The following KDM4C variants were observed in gnomAD, a reference collection of about 807,000 sequenced individuals.
The protein encoded by KDM4C is lysine demethylase 4C, also known as lysine-specific demethylase 4C.
A neutral mutation model predicts 129.3 loss-of-function variants in KDM4C; 81 were observed. The observed-to-expected ratio is 0.63, with a 90% CI of 0.52 to 0.75. The LOEUF (loss-of-function observed/expected upper bound fraction) is 0.75. Among genes scored for constraint, KDM4C ranks in the 30% least tolerant of loss-of-function variants. KDM4C has a pLI of 0.00. For missense variants in KDM4C, 1,457 were observed against 1,304.0 expected (o/e 1.12, Z -1.81); for synonymous variants, 573 against 456.1 (o/e 1.26, Z -3.26).
At chr9:6,738,767 C>CT (rs1563919341) in intron 1 of KDM4C, among the ~76,000 whole-genome samples, 2 of 149,318 alleles carry the variant, frequency 1.3e-5, no homozygotes, top group Non-Finnish European at 3.0e-5. Flanking sequence ...CTTTTCTTTT[C>CT]ATTTTTTTTT....
chr9:6,753,025 A>T (rs1818126274), upstream of KDM4C, among the ~76,000 whole-genome samples: 1 of 152,174 alleles, frequency 6.6e-6, no homozygotes, highest in South Asian at 2.1e-4. Flanking sequence ...GGAGTCAGAA[A>T]TAGCAGCTGC....
intron 5 of KDM4C, among the ~76,000 whole-genome samples, chr9:6,869,433 G>A (rs1308753625): frequency 6.6e-6 from 1 of 152,216 alleles, no homozygotes; most frequent in Non-Finnish European, 1.5e-5. Flanking sequence ...TTACAAACAT[G>A]TTTATTGTTA....
chr9:7,169,633 C>T (rs1048494520), intron 20 of KDM4C, among the ~76,000 whole-genome samples, 165 bp from the exon 21 acceptor site: 1 of 152,188 alleles, frequency 6.6e-6, no homozygotes, highest in Non-Finnish European at 1.5e-5. Flanking sequence ...TGCCCGGCCT[C>T]TACTTAATAA....
At chr9:6,893,571 CT>C (rs1198276386) in intron 8 of KDM4C, 2 of 167,508 alleles carry the variant, frequency 1.2e-5, no homozygotes, top group African/African-American at 4.8e-5. Context: ...ACTCAGATCT[CT>C]CCCTGTTTGC....
rs1845346597 is a variant in KDM4C, at chr9:7,175,356, T to C, written c.*627T>C. The C allele has an allele frequency of 6.5e-6, 1 of 152,678 alleles. No individual in the cohort carries two copies. The highest frequency in any genetic ancestry group is 6.5e-5 in the Admixed American group (1 of 15,290). 9.5% of individuals were successfully genotyped at this position (152,678 alleles called of 1,614,324 possible). A position where few individuals can be genotyped will look rare whatever the true frequency, so the allele number is the denominator to read the frequency against. ...TGATGGGAACTGAGTTGTTGGCCTT[T>C]GTGAAATGAAATTTTTGGCTCTTGA... is the stretch of plus-strand genomic sequence containing the variant. On this transcript the variant is annotated 3_prime_UTR_variant, in exon 22 of 22. Coordinates refer to ENST00000381309, the MANE Select transcript of KDM4C (RefSeq NM_015061.6).
intron 17 of KDM4C, among the ~76,000 whole-genome samples, chr9:7,064,287 G>T (rs1832112229): frequency 6.6e-6 from 1 of 152,114 alleles, no homozygotes; most frequent in African/African-American, 2.4e-5. Flanking sequence ...TTGTCAATAT[G>T]ATATTTTAGA....
intron 1 of KDM4C, among the ~76,000 whole-genome samples, chr9:6,730,581 C>G (rs1414960660): frequency 2.0e-5 from 3 of 151,108 alleles, no homozygotes; most frequent in Non-Finnish European, 4.4e-5. Flanking sequence ...TGCCACTGCA[C>G]TCCAGCCTGG....
intron 8 of KDM4C, among the ~76,000 whole-genome samples, chr9:6,900,208 T>C (rs926296287): frequency 3.9e-5 from 6 of 152,180 alleles, no homozygotes; most frequent in African/African-American, 9.7e-5. Context: ...ATATCTTACG[T>C]TGAATTGGAG....
At chr9:6,985,818 G>A (rs1817594982) in intron 10 of KDM4C, among the ~76,000 whole-genome samples, 1 of 152,138 alleles carries the variant, frequency 6.6e-6, no homozygotes, top group African/African-American at 2.4e-5. Flanking sequence ...AGCCTCCTGA[G>A]TATCTGGGAC....
chr9:7,042,996 A>G (rs1341443126), intron 15 of KDM4C, among the ~76,000 whole-genome samples: 3 of 152,070 alleles, frequency 2.0e-5, no homozygotes, highest in Admixed American at 6.6e-5. Flanking sequence ...ATAGTTGTGC[A>G]AAGTCTAAAC....
intron 5 of KDM4C, 149 bp from the exon 6 acceptor site, chr9:6,879,861 CTG>C (rs1844169246): frequency 7.0e-6 from 3 of 430,132 alleles, no homozygotes; most frequent in South Asian, 1.1e-4. Flanking sequence ...GAATATGACT[CTG>C]TGATTGGCTT....
chr9:7,169,943 C>T (rs751676282), intron 21 of KDM4C, 53 bp downstream of exon 21: 5 of 1,611,042 alleles, frequency 3.1e-6, no homozygotes, highest in Non-Finnish European at 3.4e-6. Context: ...TCCTTGTCCT[C>T]ACCTCATGTT....
At chr9:6,890,953 T>C (rs1490449907) in intron 7 of KDM4C, among the ~76,000 whole-genome samples, 1 of 152,214 alleles carries the variant, frequency 6.6e-6, no homozygotes, top group Non-Finnish European at 1.5e-5. Flanking sequence ...ACTGAGCTCA[T>C]TGCAGCAGAA....
intron 8 of KDM4C, among the ~76,000 whole-genome samples, chr9:6,927,719 A>G (rs1822897753): frequency 6.6e-6 from 1 of 152,170 alleles, no homozygotes; most frequent in Non-Finnish European, 1.5e-5. Flanking sequence ...CCCTCCACAC[A>G]AGTGAACATG....
At chr9:7,161,500 A>G (rs1437405352) in intron 19 of KDM4C, among the ~76,000 whole-genome samples, 4 of 152,206 alleles carry the variant, frequency 2.6e-5, no homozygotes, top group Admixed American at 2.6e-4. Context: ...TCTACCCCGA[A>G]TGAAATCTTA....
chr9:6,745,234 T>G (rs1817836443), intron 1 of KDM4C, among the ~76,000 whole-genome samples: 1 of 152,162 alleles, frequency 6.6e-6, no homozygotes, highest in Non-Finnish European at 1.5e-5. Flanking sequence ...AACTTTCTGG[T>G]CTCAAACCTT....
At chr9:7,060,222 T>C (rs1057052500) in intron 17 of KDM4C, among the ~76,000 whole-genome samples, 1 of 151,702 alleles carries the variant, frequency 6.6e-6, no homozygotes, top group Non-Finnish European at 1.5e-5. Context: ...CATGTTTTTT[T>C]TTTTTTCTTC....
chr9:7,166,757 T>TA (rs1844430695), intron 20 of KDM4C, among the ~76,000 whole-genome samples: 1 of 152,202 alleles, frequency 6.6e-6, no homozygotes. Flanking sequence ...ATAATGAGAA[T>TA]ATGTTGAAAT....
intron 19 of KDM4C, among the ~76,000 whole-genome samples, chr9:7,133,518 C>T (rs1226688426): frequency 6.6e-6 from 1 of 152,210 alleles, no homozygotes; most frequent in Non-Finnish European, 1.5e-5. Flanking sequence ...AGTTCACACT[C>T]ATTTCACAGA....
Sources: gnomAD v4.1 joint callset for allele counts (sites outside exome capture counted in the v4.1 genomes callset) on GRCh38, gnomAD v4.1.1 for gene constraint, MANE v1.5 for transcripts, NCBI Gene and HGNC (gene_info 2026-07-23, HGNC 2026-07-21) for gene names.